CAB39: variants seen among roughly 807,000 people sequenced by gnomAD.
CAB39 encodes calcium binding protein 39.
CAB39 carries 8 observed loss-of-function variants against 40.0 expected under a neutral mutation model. The observed-to-expected ratio is 0.20, with a 90% confidence interval of 0.12 to 0.36. The LOEUF is 0.36. Ranked by LOEUF, CAB39 falls within the 10% of genes least tolerant of loss-of-function variation. The pLI is 1.00. For missense variants in CAB39, 270 were observed against 401.1 expected, an observed-to-expected ratio of 0.67 and a Z score of 2.79; for synonymous variants, 156 against 141.6, an observed-to-expected ratio of 1.10 and a Z score of -0.72.
chr2:230,818,623 G>A lies in CAB39; in HGVS notation c.945G>A (p.Glu315=). 3 of 1,614,186 alleles carry A rather than the reference G, an allele frequency of 1.9e-6. No individual in the cohort carries two copies. The highest frequency in any genetic ancestry group is 1.1e-5 in the South Asian group (1 of 91,080). The change falls in exon 9 of 9, where the codon GAG becomes GAA. Residue 315 remains glutamate (E), a synonymous_variant. Coordinates refer to ENST00000258418, the MANE Select transcript of CAB39 (RefSeq NM_016289.4). ...FLSKFQNDRT[E]DEQFNDEKTY... ...GCAAGTTTCAGAACGACAGGACGGA[G>A]GATGAGCAGTTTAACGACGAGAAGA...
intron 1 of CAB39, among the ~76,000 whole-genome samples, chr2:230,744,875 A>G (rs1323765555): frequency 1.3e-5 from 2 of 152,232 alleles, no homozygotes; most frequent in Non-Finnish European, 2.9e-5. Context: ...AGCTGTTGCT[A>G]CTTTGTAAAA....
At chr2:230,784,589 G>T (rs1364317452) in intron 2 of CAB39, among the ~76,000 whole-genome samples, 1 of 152,174 alleles carries the variant, frequency 6.6e-6, no homozygotes, top group Non-Finnish European at 1.5e-5. Context: ...CAACCAGAGA[G>T]TTAGGAGGGA....
At chr2:230,789,623 C>T (rs1232998162) in intron 2 of CAB39, among the ~76,000 whole-genome samples, 4 of 152,170 alleles carry the variant, frequency 2.6e-5, no homozygotes, top group Non-Finnish European at 5.9e-5. Context: ...TGGTTCCTAG[C>T]CTTGGCTACT....
intron 1 of CAB39, among the ~76,000 whole-genome samples, chr2:230,718,522 AC>A (rs1407955258): frequency 1.3e-5 from 2 of 152,148 alleles, no homozygotes; most frequent in African/African-American, 2.4e-5. Context: ...TAGATTTTGA[AC>A]CCTCATTCCT....
intron 1 of CAB39, among the ~76,000 whole-genome samples, chr2:230,753,389 C>T (rs1695123196): frequency 6.6e-6 from 1 of 152,176 alleles, no homozygotes; most frequent in Non-Finnish European, 1.5e-5. Context: ...AGAATCCTGT[C>T]ACTGTCTGGC....
chr2:230,746,222 G>A (rs1226232030), intron 1 of CAB39, among the ~76,000 whole-genome samples: 2 of 152,196 alleles, frequency 1.3e-5, no homozygotes, highest in Non-Finnish European at 2.9e-5. Context: ...AGTGTGTAAT[G>A]TCACGGCTAG....
At chr2:230,714,479 T>A (rs1301664315) in intron 1 of CAB39, among the ~76,000 whole-genome samples, 1 of 152,248 alleles carries the variant, frequency 6.6e-6, no homozygotes, top group African/African-American at 2.4e-5. Context: ...AAGGTGTCTA[T>A]AAAATAAGCT....
chr2:230,778,714 G>A (rs2124941506), intron 2 of CAB39, among the ~76,000 whole-genome samples: 1 of 152,240 alleles, frequency 6.6e-6, no homozygotes, highest in East Asian at 1.9e-4. Context: ...TTGAAGTCCT[G>A]TTACACGTTA....
intron 1 of CAB39, among the ~76,000 whole-genome samples, chr2:230,739,686 G>GCT (rs1248874944): frequency 6.6e-6 from 1 of 152,168 alleles, no homozygotes; most frequent in Non-Finnish European, 1.5e-5. Context: ...TAGAGACGGG[G>GCT]TTTCTGCATG....
chr2:230,736,946 GGT>G (rs1473529967), intron 1 of CAB39, among the ~76,000 whole-genome samples: 1 of 152,140 alleles, frequency 6.6e-6, no homozygotes, highest in Non-Finnish European at 1.5e-5. Flanking sequence ...AGAGGTCCAA[GGT>G]TAGAGTGTCT....
At chr2:230,785,601 G>A (rs368182545) in intron 2 of CAB39, among the ~76,000 whole-genome samples, 1 of 152,132 alleles carries the variant, frequency 6.6e-6, no homozygotes, top group Non-Finnish European at 1.5e-5. Context: ...GGTGGCGGGT[G>A]CAGTATCAGC....
At chr2:230,782,789 G>GTTTC (rs375221449) in intron 2 of CAB39, among the ~76,000 whole-genome samples, 11,884 of 117,658 alleles carry the variant, frequency 0.1, 978 homozygotes, top group South Asian at 0.21. Flanking sequence ...ACAGACTGCT[G>GTTTC]TTTCTTTCTT....
intron 1 of CAB39, among the ~76,000 whole-genome samples, chr2:230,734,231 G>A (rs1694745207): frequency 1.3e-5 from 2 of 152,308 alleles, no homozygotes; most frequent in African/African-American, 2.4e-5. Context: ...AAGAATACAG[G>A]CACTTTTAAG....
At chr2:230,795,354 A>G (rs1695966297) in intron 4 of CAB39, among the ~76,000 whole-genome samples, 1 of 151,858 alleles carries the variant, frequency 6.6e-6, no homozygotes, top group South Asian at 2.1e-4. Flanking sequence ...AATCTATAAT[A>G]GTTAATATTA....
chr2:230,812,157 T>C (rs1461064525), intron 6 of CAB39, among the ~76,000 whole-genome samples: 1 of 152,186 alleles, frequency 6.6e-6, no homozygotes, highest in Non-Finnish European at 1.5e-5. Flanking sequence ...AGAGTAAAAT[T>C]CATGCTGGCT....
intron 6 of CAB39, among the ~76,000 whole-genome samples, chr2:230,811,281 C>A (rs1696299529): frequency 1.3e-5 from 2 of 152,252 alleles, no homozygotes; most frequent in South Asian, 4.1e-4. Flanking sequence ...AGGCAAAAAT[C>A]TATGCTTGCT....
chr2:230,784,937 C>A (rs114438641), intron 2 of CAB39, among the ~76,000 whole-genome samples: 2,984 of 152,224 alleles, frequency 0.02, 91 homozygotes, highest in African/African-American at 0.068. Flanking sequence ...ACACTTTATC[C>A]TATTGGCTAT....
chr2:230,776,698 CT>C (rs1350000009), intron 2 of CAB39, among the ~76,000 whole-genome samples: 6 of 88,376 alleles, frequency 6.8e-5, no homozygotes, highest in African/African-American at 1.1e-4. Context: ...CACTTTTTTT[CT>C]TCCCCCCCCG....
intron 1 of CAB39, among the ~76,000 whole-genome samples, chr2:230,727,150 A>T (rs1023458537): frequency 6.6e-6 from 1 of 151,964 alleles, no homozygotes; most frequent in African/African-American, 2.4e-5. Context: ...TGAAGGTGGA[A>T]CTGATTGCTT....
Sources: allele counts gnomAD v4.1 joint callset (sites outside exome capture counted in the v4.1 genomes callset), GRCh38; gene constraint gnomAD v4.1.1; transcripts MANE v1.5; gene names NCBI Gene and HGNC (gene_info 2026-07-23, HGNC 2026-07-21).